The following DYNC1I1 variants were observed in gnomAD, a reference collection of about 807,000 sequenced individuals.
DYNC1I1 encodes the protein dynein cytoplasmic 1 intermediate chain 1, also known as cytoplasmic dynein 1 intermediate chain 1.
A neutral mutation model predicts 86.6 loss-of-function variants in DYNC1I1; 43 were observed. The observed-to-expected ratio is 0.50, with a 90% CI of 0.39 to 0.64. The LOEUF is 0.64. Among genes scored for constraint, DYNC1I1 ranks in the 30% least tolerant of loss-of-function variants. The probability of loss-of-function intolerance (pLI) is 0.00; values close to 1 mark genes in which losing one functional copy is unlikely to be tolerated. For missense variants in DYNC1I1, 604 were observed against 788.8 expected (o/e 0.77, Z 2.81); for synonymous variants, 262 against 283.7 (o/e 0.92, Z 0.77).
At chr7:96,033,799 T>C (rs1166147219) in intron 12 of DYNC1I1, among the ~76,000 whole-genome samples, 5 of 152,108 alleles carry the variant, frequency 3.3e-5, no homozygotes. Context: ...CATTTAAGCC[T>C]AGGAGTTCAA....
chr7:96,046,958 G>T (rs1445004172), intron 14 of DYNC1I1, among the ~76,000 whole-genome samples: 1 of 152,016 alleles, frequency 6.6e-6, no homozygotes, highest in Non-Finnish European at 1.5e-5. Flanking sequence ...GTCCATTCAG[G>T]GTTCTATAAC....
At position 95,984,794 on chromosome 7, in the gene DYNC1I1, CA is replaced by C. The variant is rs770842518; in HGVS notation, c.581-14del. ...TTTTCTTCCCTAACAATCTCTTTTA[CA>C]AAAAAATAAATAAATAAAGCCCCTC... On this transcript the variant is annotated intron_variant, in intron 7 of 16. Transcript: ENST00000447467. 1.3e-6 allele frequency: 2 copies of C among 1,553,688 alleles called. No homozygotes were observed. Among genetic ancestry groups the C allele is most frequent in the Non-Finnish European group, 1.7e-6 (2 of 1,157,882 alleles).
chr7:96,104,115 T>C (rs1288365979), intron 16 of DYNC1I1, among the ~76,000 whole-genome samples: 2 of 152,142 alleles, frequency 1.3e-5, no homozygotes, highest in African/African-American at 4.8e-5. Context: ...AAATATCCCT[T>C]CTAGTATCTT....
At chr7:95,849,864 T>C (rs1789531608) in intron 5 of DYNC1I1, among the ~76,000 whole-genome samples, 1 of 152,242 alleles carries the variant, frequency 6.6e-6, no homozygotes, top group Non-Finnish European at 1.5e-5. Context: ...GGAATATCTA[T>C]CAATTTATTT....
rs117391191 is a variant in DYNC1I1 at position 96,028,693 on chromosome 7, T to G, written c.1116+372T>G. 5.1e-3 allele frequency among the ~76,000 whole-genome samples: 778 copies of G among 152,308 alleles called. 17 individuals are homozygous for G. The highest frequency in any genetic ancestry group is 0.034 in the Admixed American group (515 of 15,302). On this transcript the variant is annotated intron_variant, in intron 11 of 16. Coordinates refer to ENST00000447467, the MANE Select transcript of DYNC1I1 (RefSeq NM_001135556.2). ...GATCCTGAAGAGTAAGGATTTCACA[T>G]CAAGGGATGATATATGGGACTTTTG... is the stretch of plus-strand genomic sequence containing the variant.
intron 6 of DYNC1I1, among the ~76,000 whole-genome samples, chr7:95,923,384 C>G (rs566558206): frequency 6.6e-6 from 1 of 151,970 alleles, no homozygotes; most frequent in Non-Finnish European, 1.5e-5. Context: ...AGAGAGACCC[C>G]CTACACTGAC....
chr7:96,026,795 C>T lies in DYNC1I1; in HGVS notation c.970-1380C>T, dbSNP rs1794693268. Among the ~76,000 whole-genome samples, 4 of 152,120 alleles carry T rather than the reference C, an allele frequency of 2.6e-5. No individual in the cohort carries two copies. The South Asian group carries it at 8.3e-4, about 31-fold the overall frequency. On this transcript the variant is annotated intron_variant, in intron 10 of 16. Transcript: ENST00000447467. ...ATTCATCCTCTTCCATGAGTTCTTT[C>T]CAACCATCTCACCATTTCCAGCCTC...
intron 6 of DYNC1I1, among the ~76,000 whole-genome samples, chr7:95,892,293 C>T (rs1223279784): frequency 1.3e-5 from 2 of 151,480 alleles, no homozygotes; most frequent in African/African-American, 2.4e-5. Context: ...CACACTGGCC[C>T]ACGCCACCAT....
intron 14 of DYNC1I1, among the ~76,000 whole-genome samples, chr7:96,043,557 C>T (rs1221156998): frequency 1.4e-5 from 2 of 146,218 alleles, no homozygotes; most frequent in Non-Finnish European, 3.0e-5. Context: ...AAAAACAGAA[C>T]AAAACAAAAC....
At chr7:95,901,508 G>A (rs530135813) in intron 6 of DYNC1I1, among the ~76,000 whole-genome samples, 1 of 152,228 alleles carries the variant, frequency 6.6e-6, no homozygotes, top group East Asian at 1.9e-4. Flanking sequence ...AAATTCAACA[G>A]GTTATTTTTC....
At position 95,858,931 on chromosome 7, in the gene DYNC1I1, ATATAT is replaced by A. The variant is rs1789800739; in HGVS notation, c.375-10944_375-10940del. ...ATTTTAATAATATATTTATTATATT[ATATAT>A]TATATTAATATATAATATATAATTA... is the stretch of plus-strand genomic sequence containing the variant. On this transcript the variant is annotated intron_variant, in intron 5 of 16. Transcript: ENST00000447467. Among the ~76,000 whole-genome samples, 3 of 145,972 alleles carry A rather than the reference ATATAT, an allele frequency of 2.1e-5. No homozygotes were observed. The South Asian group carries it at 6.3e-4, about 31-fold the overall frequency.
At chr7:96,076,345 C>T in intron 15 of DYNC1I1, 148 bp downstream of exon 15, 3 of 1,239,750 alleles carry the variant, frequency 2.4e-6, no homozygotes, top group Non-Finnish European at 3.3e-6. Flanking sequence ...CTTGACTACC[C>T]TGAAGGGAAT....
At position 95,968,824 on chromosome 7, in the gene DYNC1I1, CTGTGTGTGTGTGTG is replaced by C. The variant is rs56022930; in HGVS notation, c.491-8654_491-8641del. ...CTTCAATTGTTCTGAATTTTTTGCTCTGTGTGTGTGTGTGTGTGTGTGTGTGTGTGTGTGTGTGT... is the reference window on the plus strand; with the variant it reads ...CTTCAATTGTTCTGAATTTTTTGCTCTGTGTGTGTGTGTGTGTGTGTGTGT... On this transcript the variant is annotated intron_variant, in intron 6 of 16. Transcript: ENST00000447467. 6.6e-4 allele frequency among the ~76,000 whole-genome samples: 62 copies of C among 94,414 alleles called. 1 individual carries two copies. The highest frequency in any genetic ancestry group is 2.0e-3 in the African/African-American group (51 of 24,920). The allele number at this position is 94,414 out of a possible 152,430, so 61.9% of individuals were successfully genotyped here.
chr7:95,959,482 A>G (rs1300862408), intron 6 of DYNC1I1, among the ~76,000 whole-genome samples: 1 of 152,208 alleles, frequency 6.6e-6, no homozygotes, highest in Non-Finnish European at 1.5e-5. Context: ...AACTGATTGA[A>G]TGTGGTGACT....
intron 6 of DYNC1I1, among the ~76,000 whole-genome samples, chr7:95,945,549 A>C (rs2116462285): frequency 6.6e-6 from 1 of 152,280 alleles, no homozygotes; most frequent in African/African-American, 2.4e-5. Flanking sequence ...CCTTCACATA[A>C]TGCATTCATT....
chr7:95,849,480 C>A (rs1238144857), intron 5 of DYNC1I1, among the ~76,000 whole-genome samples: 1 of 152,056 alleles, frequency 6.6e-6, no homozygotes, highest in Admixed American at 6.6e-5. Flanking sequence ...ACTGTTCTTT[C>A]CCTATAGTGT....
At chr7:95,842,490 A>G (rs1465408253) in intron 5 of DYNC1I1, among the ~76,000 whole-genome samples, 1 of 152,156 alleles carries the variant, frequency 6.6e-6, no homozygotes, top group Non-Finnish European at 1.5e-5. Flanking sequence ...GGGACTGCAG[A>G]TATAGCTTGC....
intron 6 of DYNC1I1, among the ~76,000 whole-genome samples, chr7:95,950,228 A>G (rs566843370): frequency 4.4e-4 from 67 of 152,318 alleles, no homozygotes; most frequent in East Asian, 2.1e-3. Context: ...CTGAAAGAGC[A>G]CTAGTGACAT....
intron 14 of DYNC1I1, among the ~76,000 whole-genome samples, chr7:96,064,720 A>G (rs966695318): frequency 1.3e-5 from 2 of 152,184 alleles, no homozygotes; most frequent in Admixed American, 6.5e-5. Flanking sequence ...AGCCCAGAGC[A>G]TCAGAGGAAG....
Sources: allele counts gnomAD v4.1 joint callset (sites outside exome capture counted in the v4.1 genomes callset), GRCh38; gene constraint gnomAD v4.1.1; transcripts MANE v1.5; gene names NCBI Gene and HGNC (gene_info 2026-07-23, HGNC 2026-07-21).